NR1I2: variants seen among roughly 807,000 people sequenced by gnomAD.
The protein encoded by NR1I2 is orphan nuclear receptor PAR1.
A neutral mutation model predicts 43.3 loss-of-function variants in NR1I2; 42 were observed. That is an observed-to-expected ratio of 0.97 (90% CI 0.76 to 1.26). The LOEUF (loss-of-function observed/expected upper bound fraction) is 1.26. Among genes scored for constraint, NR1I2 ranks in the 50% most tolerant of loss-of-function variants. The pLI, the probability that NR1I2 is intolerant of heterozygous loss-of-function variation, is 0.00. For synonymous variants in NR1I2, 229 were observed against 215.0 expected (o/e 1.06, Z -0.57); for missense variants, 559 against 566.7 (o/e 0.99, Z 0.14).
At chr3:119,791,067 A>G (rs1479519586) in intron 1 of NR1I2, among the ~76,000 whole-genome samples, 1 of 152,216 alleles carries the variant, frequency 6.6e-6, no homozygotes, top group East Asian at 1.9e-4. Context: ...ATTCATTCCA[A>G]TAATGTTTTG....
At chr3:119,815,607 A>G in intron 7 of NR1I2, 119 bp from the exon 8 acceptor site, 2 of 1,060,214 alleles carry the variant, frequency 1.9e-6, no homozygotes, top group Non-Finnish European at 2.9e-6. Flanking sequence ...GTCTTCCTTC[A>G]CTTCCCTGCC....
intron 1 of NR1I2, among the ~76,000 whole-genome samples, chr3:119,787,750 TATTTA>T (rs2054862975): frequency 1.3e-5 from 2 of 151,694 alleles, no homozygotes; most frequent in Non-Finnish European, 2.9e-5. Flanking sequence ...ATTATATATA[TATTTA>T]ATTATGCGTG....
chr3:119,783,118 G>A (rs74825699), intron 1 of NR1I2, among the ~76,000 whole-genome samples: 5,847 of 151,926 alleles, frequency 0.038, 397 homozygotes, highest in East Asian at 0.36. Context: ...TATGGTCAGA[G>A]TTGAAAGGAT....
At chr3:119,782,742 G>A (rs2054791651) in intron 1 of NR1I2, 3 of 1,609,532 alleles carry the variant, frequency 1.9e-6, no homozygotes, top group Middle Eastern at 1.7e-4. Context: ...AGCCCCCTGA[G>A]GCCAAGGACA....
chr3:119,808,219 C>T (rs2055188188), intron 2 of NR1I2, among the ~76,000 whole-genome samples: 1 of 152,192 alleles, frequency 6.6e-6, no homozygotes, highest in Non-Finnish European at 1.5e-5. Context: ...GTGAGTTCAG[C>T]AGCTCATTTC....
At chr3:119,791,898 T>C in intron 1 of NR1I2, 1 of 625,050 alleles carries the variant, frequency 1.6e-6, no homozygotes, top group Non-Finnish European at 3.0e-6. Context: ...GAACTCTGCC[T>C]TATATAACAT....
intron 1 of NR1I2, among the ~76,000 whole-genome samples, chr3:119,805,246 T>G (rs1490896769): frequency 3.3e-5 from 5 of 152,110 alleles, no homozygotes; most frequent in Non-Finnish European, 5.9e-5. Context: ...TTTTTTTGGT[T>G]TGTTTTGTTT....
chr3:119,809,987 G>C (rs574303566), intron 2 of NR1I2, 74 bp from the exon 3 acceptor site: 1 of 1,592,222 alleles, frequency 6.3e-7, no homozygotes, highest in Admixed American at 1.7e-5. Context: ...GGAGGGAGGT[G>C]GTATGGCCCG....
At chr3:119,799,971 CAAACAAACAAACAA>C (rs2055055064) in intron 1 of NR1I2, among the ~76,000 whole-genome samples, 1 of 135,990 alleles carries the variant, frequency 7.4e-6, no homozygotes, top group Non-Finnish European at 1.7e-5. Flanking sequence ...AAAAAACAAA[CAAACAAACAAACAA>C]ACACACACAC....
intron 2 of NR1I2, among the ~76,000 whole-genome samples, chr3:119,808,657 G>A (rs1460079988): frequency 1.3e-5 from 2 of 152,212 alleles, no homozygotes; most frequent in Admixed American, 1.3e-4. Flanking sequence ...GTTGTAGTGG[G>A]CAAAAGCTAA....
At position 119,811,597 on chromosome 3, in the gene NR1I2, T is replaced by G. The variant is rs772496647; in HGVS notation, c.390T>G (p.Ser130Arg). 1.2e-6 allele frequency: 2 copies of G among 1,613,612 alleles called. No homozygotes were observed. The highest frequency in any genetic ancestry group is 2.2e-5 in the South Asian group (2 of 90,986). ...GGGCCTTGATCAAGCGGAAGAAAAG[T>G]GAACGGACAGGGACTCAGCCACTGG... is the stretch of plus-strand genomic sequence containing the variant. The change falls in exon 4 of 9, where the codon AGT (serine) becomes AGG (arginine). Residue 130 changes from serine (S) to arginine (R), a missense_variant. Coordinates refer to ENST00000393716, the MANE Select transcript of NR1I2 (RefSeq NM_003889.4).
chr3:119,807,924 G>C (rs1196256540), intron 2 of NR1I2, among the ~76,000 whole-genome samples: 1 of 152,226 alleles, frequency 6.6e-6, no homozygotes, highest in African/African-American at 2.4e-5. Context: ...GCAAGGAGCA[G>C]CTCCCATCTC....
In NR1I2 at chr3:119,817,147, ATCCAGGAC is replaced by A; in HGVS notation, c.1241_1248del (p.Ile414AsnfsTer18). The A allele has an allele frequency of 6.2e-7, 1 of 1,614,140 alleles. No individual in the cohort carries two copies. The highest frequency in any genetic ancestry group is 8.5e-7 in the Non-Finnish European group (1 of 1,180,008). On this transcript the variant is annotated frameshift_variant, in exon 9 of 9. Coordinates refer to ENST00000393716, the MANE Select transcript of NR1I2 (RefSeq NM_003889.4). LOFTEE classifies it high-confidence loss of function. ...TCAGCACACCCAGCGGCTGCTGCGC[ATCCAGGAC>A]ATACACCCCTTTGCTACGCCCCTCA...
intron 5 of NR1I2, among the ~76,000 whole-genome samples, chr3:119,814,117 T>A (rs1387274626): frequency 2.0e-5 from 3 of 152,158 alleles, no homozygotes; most frequent in African/African-American, 7.2e-5. Context: ...GTTAGGGATC[T>A]AAAAGAAGGA....
intron 1 of NR1I2, among the ~76,000 whole-genome samples, chr3:119,794,596 A>G (rs2054969385): frequency 1.3e-5 from 2 of 151,404 alleles, no homozygotes; most frequent in Non-Finnish European, 2.9e-5. Context: ...AAGTGCTGAC[A>G]TTAGAGGCAT....
Position 119,812,892 on chromosome 3 carries a change from C to T in NR1I2, c.726C>T (p.His242=). Residue 242 remains histidine, a synonymous_variant, in exon 5 of 9, where the codon CAC becomes CAT. Transcript: ENST00000393716. ...AAGAGATCTTCTCCCTGCTGCCCCA[C>T]ATGGCTGACATGTCAACCTACATGT... The T allele has an allele frequency of 6.2e-7, 1 of 1,614,162 alleles. No homozygotes were observed.
intron 1 of NR1I2, chr3:119,791,958 G>T: frequency 1.5e-6 from 1 of 685,076 alleles, no homozygotes; most frequent in South Asian, 1.5e-5. Flanking sequence ...TGGAGTACAG[G>T]ACATTGTGGT....
chr3:119,792,000 G>A, intron 1 of NR1I2: 1 of 703,854 alleles, frequency 1.4e-6, no homozygotes. Context: ...CATACCATGG[G>A]TACAGAAACC....
At position 119,794,264 on chromosome 3, in the gene NR1I2, C is replaced by T. The variant is rs530786597; in HGVS notation, c.-23+11964C>T. Among the ~76,000 whole-genome samples, 23 of 152,152 alleles carry T rather than the reference C, an allele frequency of 1.5e-4. No homozygotes were observed. In the South Asian group the frequency reaches 4.6e-3, roughly 30 times the overall value. ...CCAGACTGGAGTTGTGTGAACATGG[C>T]TCACTGCAGCCTCGACCTCCTGGGC... On this transcript the variant is annotated intron_variant, in intron 1 of 8. Coordinates refer to ENST00000393716, the MANE Select transcript of NR1I2 (RefSeq NM_003889.4).
Sources: gnomAD v4.1 joint callset for allele counts (sites outside exome capture counted in the v4.1 genomes callset) on GRCh38, gnomAD v4.1.1 for gene constraint, MANE v1.5 for transcripts, NCBI Gene and HGNC (gene_info 2026-07-23, HGNC 2026-07-21) for gene names.